ADK: variants seen among roughly 807,000 people sequenced by gnomAD.
ADK encodes N6,N6-dimethyladenosine kinase.
A neutral mutation model predicts 44.7 loss-of-function variants in ADK; 24 were observed. The ratio of observed to expected loss-of-function variants is 0.54; its 90% CI spans 0.39 to 0.76. The LOEUF (loss-of-function observed/expected upper bound fraction) is 0.76, where lower values mean the gene tolerates loss of function less well. Among genes scored for constraint, ADK ranks in the 30% least tolerant of loss-of-function variants. ADK has a pLI of 0.00. For missense variants in ADK, 321 were observed against 425.1 expected, an observed-to-expected ratio of 0.76 and a Z score of 2.15; for synonymous variants, 128 against 142.6, an observed-to-expected ratio of 0.90 and a Z score of 0.73.
intron 7 of ADK, among the ~76,000 whole-genome samples, chr10:74,562,871 T>G (rs542151614): frequency 6.6e-6 from 1 of 152,206 alleles, no homozygotes; most frequent in African/African-American, 2.4e-5. Context: ...AAAATTAAAT[T>G]TGGATTTTGT....
At chr10:74,527,170 G>A (rs981071517) in intron 7 of ADK, among the ~76,000 whole-genome samples, 4 of 152,158 alleles carry the variant, frequency 2.6e-5, no homozygotes, top group African/African-American at 7.2e-5. Context: ...GACCATCCTG[G>A]CTAACACGGT....
chr10:74,354,022 A>G (rs1455583530), intron 4 of ADK, among the ~76,000 whole-genome samples: 1 of 152,250 alleles, frequency 6.6e-6, no homozygotes, highest in African/African-American at 2.4e-5. Context: ...TCCTTTGTCC[A>G]GAATAAGCAT....
At chr10:74,274,230 G>A (rs138955178) in intron 3 of ADK, among the ~76,000 whole-genome samples, 63 of 152,262 alleles carry the variant, frequency 4.1e-4, no homozygotes, top group African/African-American at 1.4e-3. Flanking sequence ...ATTAAACACT[G>A]TATTCTTACA....
intron 4 of ADK, among the ~76,000 whole-genome samples, chr10:74,389,638 C>T (rs1234573072): frequency 1.3e-5 from 2 of 151,718 alleles, no homozygotes; most frequent in East Asian, 3.9e-4. Context: ...TTTAGAATGA[C>T]TTTTGAGTGG....
intron 8 of ADK, among the ~76,000 whole-genome samples, chr10:74,591,547 T>C (rs1851718774): frequency 6.6e-6 from 1 of 152,196 alleles, no homozygotes; most frequent in African/African-American, 2.4e-5. Flanking sequence ...TCAATGATTT[T>C]ATAATGTCAC....
chr10:74,672,668 G>C (rs1176469570), intron 10 of ADK, among the ~76,000 whole-genome samples: 1 of 152,248 alleles, frequency 6.6e-6, no homozygotes, highest in African/African-American at 2.4e-5. Context: ...GAATACTTAT[G>C]TTGCCATCTT....
At chr10:74,489,622 T>C (rs1564750615) in intron 6 of ADK, among the ~76,000 whole-genome samples, 1 of 151,960 alleles carries the variant, frequency 6.6e-6, no homozygotes, top group Non-Finnish European at 1.5e-5. Flanking sequence ...CAGACAGACA[T>C]ACCTAGTCCT....
chr10:74,207,593 AG>A (rs1260285915), intron 2 of ADK, among the ~76,000 whole-genome samples: 2 of 152,128 alleles, frequency 1.3e-5, no homozygotes, highest in African/African-American at 2.4e-5. Context: ...TGAGACCCCG[AG>A]GGGGTAACTC....
intron 3 of ADK, among the ~76,000 whole-genome samples, chr10:74,249,180 A>G (rs1222726257): frequency 3.9e-5 from 6 of 152,088 alleles, no homozygotes; most frequent in Admixed American, 3.9e-4. Flanking sequence ...ATTTCTTCTT[A>G]ATTTAACAAA....
chr10:74,495,809 T>G (rs939316360), intron 6 of ADK, among the ~76,000 whole-genome samples: 1 of 152,160 alleles, frequency 6.6e-6, no homozygotes, highest in African/African-American at 2.4e-5. Context: ...GTTAATTATC[T>G]CCCTATTTTC....
At position 74,678,025 on chromosome 10, in the gene ADK, C is replaced by G. The variant is rs1448842400; in HGVS notation, c.964+7756C>G. On this transcript the variant is annotated intron_variant, in intron 10 of 10. Transcript: ENST00000539909. The stretch of plus-strand genomic sequence containing the variant: ...GCAGGGTGGCATGTGCCTGTAGTCC[C>G]AACTACTCAAGAAGCTGAGGTGGGA... 2.1e-5 allele frequency among the ~76,000 whole-genome samples: 3 copies of G among 143,502 alleles called. No individual in the cohort carries two copies. In the South Asian group the frequency reaches 6.7e-4, roughly 32 times the overall value. 94.1% of individuals were successfully genotyped at this position (143,502 alleles called of 152,430 possible). A position where few individuals can be genotyped will look rare whatever the true frequency, so the allele number is the denominator to read the frequency against.
chr10:74,535,433 G>A (rs879721363), intron 7 of ADK, among the ~76,000 whole-genome samples: 10 of 151,914 alleles, frequency 6.6e-5, no homozygotes, highest in African/African-American at 1.9e-4. Context: ...ACTGCACTCC[G>A]GTCTGGGTAA....
chr10:74,202,734 A>G (rs1843443263), intron 2 of ADK, among the ~76,000 whole-genome samples: 1 of 152,068 alleles, frequency 6.6e-6, no homozygotes. Context: ...GCATCTTTTC[A>G]TATGCTTATT....
chr10:74,188,614 A>G (rs1842849816), intron 1 of ADK, among the ~76,000 whole-genome samples: 1 of 151,898 alleles, frequency 6.6e-6, no homozygotes, highest in African/African-American at 2.4e-5. Flanking sequence ...GGCCTCTCAA[A>G]GTGCTGGTAT....
chr10:74,654,153 C>T (rs1200393802), intron 9 of ADK, among the ~76,000 whole-genome samples: 1 of 152,170 alleles, frequency 6.6e-6, no homozygotes, highest in Non-Finnish European at 1.5e-5. Flanking sequence ...AAATAAAGAA[C>T]TTTGTATGTA....
intron 9 of ADK, among the ~76,000 whole-genome samples, chr10:74,619,012 T>TTGTG (rs56168944): frequency 0.13 from 17,881 of 139,250 alleles, 1,187 homozygotes; most frequent in Middle Eastern, 0.15. Context: ...TTTATGCTCT[T>TTGTG]TGTGTGTGTG....
intron 7 of ADK, among the ~76,000 whole-genome samples, chr10:74,552,064 ATAGT>A (rs1200636958): frequency 4.6e-5 from 7 of 151,288 alleles, no homozygotes; most frequent in African/African-American, 7.3e-5. Context: ...TTTTCAGTTC[ATAGT>A]TGGTTGAATG....
At chr10:74,440,437 T>C (rs1845360748) in intron 6 of ADK, among the ~76,000 whole-genome samples, 2 of 152,146 alleles carry the variant, frequency 1.3e-5, no homozygotes, top group Non-Finnish European at 2.9e-5. Context: ...ATAAGGTTAT[T>C]CCCAGTTGTG....
At chr10:74,582,461 G>T (rs1324145329) in intron 7 of ADK, among the ~76,000 whole-genome samples, 1 of 152,154 alleles carries the variant, frequency 6.6e-6, no homozygotes, top group Non-Finnish European at 1.5e-5. Flanking sequence ...TAGCTTGTCT[G>T]TCTTACGTTT....
Sources: gnomAD v4.1 joint callset for allele counts (sites outside exome capture counted in the v4.1 genomes callset) on GRCh38, gnomAD v4.1.1 for gene constraint, MANE v1.5 for transcripts, NCBI Gene and HGNC (gene_info 2026-07-23, HGNC 2026-07-21) for gene names.